PRTFDC1: variants seen among roughly 807,000 people sequenced by gnomAD.
The protein encoded by PRTFDC1 is phosphoribosyl transferase domain containing 1.
A neutral mutation model predicts 34.6 loss-of-function variants in PRTFDC1; 38 were observed. The observed-to-expected ratio is 1.10, with a 90% CI of 0.85 to 1.44. The LOEUF is 1.44. Among genes scored for constraint, PRTFDC1 ranks in the 40% most tolerant of loss-of-function variants. The pLI is 0.00. For missense variants in PRTFDC1, 270 were observed against 283.0 expected, an observed-to-expected ratio of 0.95 and a Z score of 0.33; for synonymous variants, 93 against 98.1, an observed-to-expected ratio of 0.95 and a Z score of 0.31.
intron 1 of PRTFDC1, among the ~76,000 whole-genome samples, chr10:24,947,295 T>G (rs1849265412): frequency 6.6e-6 from 1 of 152,256 alleles, no homozygotes; most frequent in South Asian, 2.1e-4. Flanking sequence ...TGGTTTATGC[T>G]TTGCTAACTT....
chr10:24,875,458 G>T (rs1039216568), intron 3 of PRTFDC1, among the ~76,000 whole-genome samples: 2 of 151,958 alleles, frequency 1.3e-5, no homozygotes, highest in African/African-American at 4.8e-5. Flanking sequence ...ACTTCTATGA[G>T]TTCAGCTTTT....
chr10:24,880,813 C>CTTTCTTTCTTTCTT (rs763527548), intron 3 of PRTFDC1, among the ~76,000 whole-genome samples: 29 of 115,016 alleles, frequency 2.5e-4, no homozygotes, highest in Admixed American at 2.4e-3. Flanking sequence ...TACTGTCTTT[C>CTTTCTTTCTTTCTT]TCTTTCTTTC....
intron 1 of PRTFDC1, among the ~76,000 whole-genome samples, chr10:24,951,948 A>G (rs892632124): frequency 1.3e-5 from 2 of 152,202 alleles, no homozygotes; most frequent in Non-Finnish European, 2.9e-5. Flanking sequence ...CAGACAAGCC[A>G]TAGGTCACTC....
chr10:24,952,441 G>A lies in PRTFDC1; in HGVS notation c.48+87C>T. On this transcript the variant is annotated intron_variant, in intron 1 of 8. Coordinates refer to ENST00000320152, the MANE Select transcript of PRTFDC1 (RefSeq NM_020200.7). This position sits in a 1 kb window ranked among gnomAD's most constrained non-coding sequence, Gnocchi z 5.1. Reference sequence around the variant, plus strand: ...AAAGCGGTGGCCCTCTCTCTCCCCCGACGCACGGCAAGCATTTAATCTACA... The same window carrying A: ...AAAGCGGTGGCCCTCTCTCTCCCCCAACGCACGGCAAGCATTTAATCTACA... 2.3e-5 allele frequency: 33 copies of A among 1,447,066 alleles called. No individual in the cohort carries two copies. The highest frequency in any genetic ancestry group is 3.1e-5 in the Non-Finnish European group (33 of 1,055,358). 89.6% of individuals were successfully genotyped at this position (1,447,066 alleles called of 1,614,324 possible). A position where few individuals can be genotyped will look rare whatever the true frequency, so the allele number is the denominator to read the frequency against.
At chr10:24,850,612 A>G (rs1450544614) in intron 8 of PRTFDC1, among the ~76,000 whole-genome samples, 7 of 152,090 alleles carry the variant, frequency 4.6e-5, no homozygotes, top group Non-Finnish European at 1.5e-5. Flanking sequence ...AGCCTAGGTG[A>G]GACTGTGGAG....
chr10:24,947,008 C>T (rs575550385), intron 1 of PRTFDC1, among the ~76,000 whole-genome samples: 1 of 152,124 alleles, frequency 6.6e-6, no homozygotes, highest in East Asian at 1.9e-4. Context: ...GGTGTGATGG[C>T]GTGTGCCTGT....
Position 24,952,542 on chromosome 10 carries a change from C to G in PRTFDC1, c.34G>C (p.Gly12Arg). ...TTTGCATTTACCACGACGCCTCGCC[C>G]GTAGTCTGGCGCCTCCTCGCTGCTC... ...AGSSEEAPDY[G>R]RGVVIMDDWP... The change falls in exon 1 of 9, where the codon GGG (glycine) becomes CGG (arginine). Residue 12 changes from glycine (G) to arginine (R), a missense_variant. Physicochemically the swap from Gly to Arg is moderately radical, Grantham distance 125 (BLOSUM62 -2). Transcript: ENST00000320152. This position sits in a 1 kb window ranked among gnomAD's most constrained non-coding sequence, Gnocchi z 5.1. The G allele has an allele frequency of 3.1e-6, 5 of 1,590,638 alleles. No homozygotes were observed. Among genetic ancestry groups the G allele is most frequent in the South Asian group, 1.1e-5 (1 of 87,268 alleles).
chr10:24,865,070 C>T (rs759870737), intron 4 of PRTFDC1, among the ~76,000 whole-genome samples: 5 of 152,190 alleles, frequency 3.3e-5, no homozygotes, highest in South Asian at 2.1e-4. Flanking sequence ...GAGCTGAGAT[C>T]GTGCCACTGC....
At chr10:24,874,600 T>C (rs972267548) in intron 3 of PRTFDC1, among the ~76,000 whole-genome samples, 2 of 152,244 alleles carry the variant, frequency 1.3e-5, no homozygotes, top group African/African-American at 4.8e-5. Flanking sequence ...TATTTTCATC[T>C]TCATTCTATT....
intron 4 of PRTFDC1, chr10:24,868,006 T>G (rs1847812403): frequency 6.6e-6 from 1 of 152,318 alleles, no homozygotes; most frequent in African/African-American, 2.4e-5. Flanking sequence ...TTGGCCAGGC[T>G]GGTCTCAAAC....
At chr10:24,904,474 A>G (rs1848500481) in intron 3 of PRTFDC1, among the ~76,000 whole-genome samples, 1 of 152,292 alleles carries the variant, frequency 6.6e-6, no homozygotes, top group Middle Eastern at 3.4e-3. Context: ...GGCTCCTGCA[A>G]GTCTTCGAGT....
At chr10:24,891,574 C>T (rs2132539313) in intron 3 of PRTFDC1, among the ~76,000 whole-genome samples, 1 of 151,828 alleles carries the variant, frequency 6.6e-6, no homozygotes, top group East Asian at 1.9e-4. Flanking sequence ...AGGATGATGG[C>T]TTGAGCTCAG....
chr10:24,892,551 C>A (rs1848282633), intron 3 of PRTFDC1, among the ~76,000 whole-genome samples: 1 of 152,002 alleles, frequency 6.6e-6, no homozygotes, highest in Non-Finnish European at 1.5e-5. Context: ...GAGTGACATT[C>A]TTCATAGAAA....
chr10:24,908,377 G>A (rs1337348505), intron 3 of PRTFDC1: 10 of 1,270,560 alleles, frequency 7.9e-6, no homozygotes, highest in Non-Finnish European at 1.1e-5. Flanking sequence ...CAAGCAAGAA[G>A]AAATACATCA....
intron 4 of PRTFDC1, among the ~76,000 whole-genome samples, chr10:24,862,230 A>G (rs1371013654): frequency 2.0e-5 from 3 of 152,216 alleles, no homozygotes; most frequent in African/African-American, 7.2e-5. Context: ...ACATCATATA[A>G]AGCCTACTAT....
At chr10:24,893,702 G>A (rs887584665) in intron 3 of PRTFDC1, among the ~76,000 whole-genome samples, 2 of 152,140 alleles carry the variant, frequency 1.3e-5, no homozygotes, top group Admixed American at 1.3e-4. Context: ...ACTGTGCAGG[G>A]TCGTACTTAC....
At chr10:24,933,793 G>A (rs752771750) in intron 3 of PRTFDC1, among the ~76,000 whole-genome samples, 9 of 151,176 alleles carry the variant, frequency 6.0e-5, no homozygotes, top group Admixed American at 4.0e-4. Context: ...TCCCAGGTTC[G>A]AGTGATTCTC....
chr10:24,947,440 C>T (rs1407713277), intron 1 of PRTFDC1, among the ~76,000 whole-genome samples: 1 of 152,138 alleles, frequency 6.6e-6, no homozygotes, highest in Non-Finnish European at 1.5e-5. Flanking sequence ...TTCAGTATCA[C>T]AGATAATATG....
intron 3 of PRTFDC1, among the ~76,000 whole-genome samples, chr10:24,929,051 AAAAAGAAAGAAAGAAAGAAAG>A (rs1294597091): frequency 2.5e-5 from 3 of 121,290 alleles, no homozygotes; most frequent in Admixed American, 1.8e-4. Context: ...AAAAAAAAAA[AAAAAGAAAGAAAGAAAGAAAG>A]AAAGGGAGGC....
Sources: gnomAD v4.1 joint callset for allele counts (sites outside exome capture counted in the v4.1 genomes callset) on GRCh38, gnomAD v4.1.1 for gene constraint, Gnocchi (gnomAD v3.1) non-coding constraint, MANE v1.5 for transcripts, NCBI Gene and HGNC (gene_info 2026-07-23, HGNC 2026-07-21) for gene names.